Variants in CDH13 observed in about 807,000 individuals in gnomAD.
The protein encoded by CDH13 is cadherin-13.
A neutral mutation model predicts 63.8 loss-of-function variants in CDH13; 24 were observed. That is an observed-to-expected ratio of 0.38 (90% CI 0.27 to 0.53). The LOEUF (loss-of-function observed/expected upper bound fraction) is 0.53. CDH13 is among the 20% of genes least tolerant of loss of function. The pLI, the probability that CDH13 is intolerant of heterozygous loss-of-function variation, is 0.85. For synonymous variants in CDH13, 503 were observed against 355.3 expected, an observed-to-expected ratio of 1.42 and a Z score of -4.67; for missense variants, 1,049 against 903.1, an observed-to-expected ratio of 1.16 and a Z score of -2.07.
At chr16:82,631,215 T>C (rs1408750596) in intron 1 of CDH13, among the ~76,000 whole-genome samples, 3 of 152,250 alleles carry the variant, frequency 2.0e-5, no homozygotes, top group Admixed American at 2.0e-4. Context: ...CAGGGAAAAT[T>C]TCAAAGATGT....
chr16:83,555,457 T>A (rs990034930), intron 7 of CDH13, among the ~76,000 whole-genome samples: 16 of 152,322 alleles, frequency 1.1e-4, no homozygotes, highest in African/African-American at 3.6e-4. Context: ...TTAAAAGACA[T>A]CTTTTTATAT....
At chr16:83,718,074 C>A (rs973576011) in intron 10 of CDH13, among the ~76,000 whole-genome samples, 3 of 152,238 alleles carry the variant, frequency 2.0e-5, no homozygotes, top group Non-Finnish European at 4.4e-5. Context: ...GCCCCCGAAG[C>A]AGATGCTGAG....
At chr16:82,917,930 AAAGG>A (rs904553578) in intron 2 of CDH13, among the ~76,000 whole-genome samples, 1 of 144,212 alleles carries the variant, frequency 6.9e-6, no homozygotes, top group African/African-American at 2.5e-5. Flanking sequence ...AAAAAAAAAA[AAAGG>A]CATGTAAAGT....
intron 1 of CDH13, among the ~76,000 whole-genome samples, chr16:82,648,660 C>T (rs902140552): frequency 1.3e-5 from 2 of 152,168 alleles, no homozygotes; most frequent in South Asian, 2.1e-4. Flanking sequence ...TTTGTTCATG[C>T]GTTGGGATTC....
intron 1 of CDH13, among the ~76,000 whole-genome samples, chr16:82,752,415 C>G (rs1002917972): frequency 2.6e-5 from 4 of 152,168 alleles, no homozygotes; most frequent in African/African-American, 7.2e-5. Flanking sequence ...CCCCATGTGT[C>G]TAGAACAATC....
intron 3 of CDH13, among the ~76,000 whole-genome samples, chr16:83,050,027 A>G (rs1017640956): frequency 1.3e-5 from 2 of 152,212 alleles, no homozygotes; most frequent in African/African-American, 2.4e-5. Context: ...CAAGATTTAC[A>G]AATTACATAA....
At chr16:82,898,101 C>G (rs1436810161) in intron 2 of CDH13, among the ~76,000 whole-genome samples, 2 of 152,180 alleles carry the variant, frequency 1.3e-5, no homozygotes, top group Non-Finnish European at 2.9e-5. Context: ...TTTAAAATCT[C>G]ATGAATAGTT....
intron 2 of CDH13, among the ~76,000 whole-genome samples, chr16:82,912,523 G>C (rs1399022341): frequency 1.3e-5 from 2 of 152,212 alleles, no homozygotes; most frequent in Non-Finnish European, 2.9e-5. Flanking sequence ...AAGTAAATGA[G>C]TGATGACTAT....
chr16:83,463,467 C>T (rs1339222694), intron 6 of CDH13, among the ~76,000 whole-genome samples: 1 of 152,250 alleles, frequency 6.6e-6, no homozygotes, highest in East Asian at 1.9e-4. Flanking sequence ...AGGAAGATGG[C>T]ATACCACACT....
intron 6 of CDH13, among the ~76,000 whole-genome samples, chr16:83,440,287 T>G (rs1171280478): frequency 6.6e-6 from 1 of 152,200 alleles, no homozygotes; most frequent in Non-Finnish European, 1.5e-5. Flanking sequence ...CTCCTTTACA[T>G]GTAGGAAAAT....
At chr16:83,683,792 A>G (rs985922098) in intron 10 of CDH13, among the ~76,000 whole-genome samples, 4 of 152,190 alleles carry the variant, frequency 2.6e-5, no homozygotes, top group Non-Finnish European at 5.9e-5. Flanking sequence ...TTTGGCATAT[A>G]CAGAATTCTT....
chr16:83,158,892 C>T (rs932004917), intron 4 of CDH13, among the ~76,000 whole-genome samples: 5 of 152,210 alleles, frequency 3.3e-5, no homozygotes, highest in Admixed American at 2.0e-4. Context: ...TTCGCAGCAG[C>T]CTTCTTTCTT....
chr16:82,773,773 GTTT>G (rs2035366024), intron 1 of CDH13, among the ~76,000 whole-genome samples: 1 of 150,478 alleles, frequency 6.6e-6, no homozygotes, highest in South Asian at 2.1e-4. Context: ...TGTGAATATT[GTTT>G]TTCTTCTTCT....
intron 2 of CDH13, among the ~76,000 whole-genome samples, chr16:82,932,087 C>A (rs747645361): frequency 6.6e-6 from 1 of 152,100 alleles, no homozygotes; most frequent in Non-Finnish European, 1.5e-5. Flanking sequence ...TTGCTTAGGA[C>A]AGTTGTGGAT....
chr16:83,330,206 AACACAC>A (rs148041186), intron 5 of CDH13, among the ~76,000 whole-genome samples: 3 of 152,080 alleles, frequency 2.0e-5, no homozygotes, highest in Admixed American at 1.3e-4. Context: ...TACACATGTA[AACACAC>A]ACACACATGC....
intron 1 of CDH13, among the ~76,000 whole-genome samples, chr16:82,807,143 A>G (rs2037187200): frequency 6.6e-6 from 1 of 151,346 alleles, no homozygotes; most frequent in Non-Finnish European, 1.5e-5. Context: ...GACAACAGAC[A>G]TTGCCAGATT....
At chr16:82,904,430 C>T (rs1383786454) in intron 2 of CDH13, among the ~76,000 whole-genome samples, 1 of 152,208 alleles carries the variant, frequency 6.6e-6, no homozygotes, top group Non-Finnish European at 1.5e-5. Context: ...TTCTCCAAGA[C>T]ACCCTCGTTG....
chr16:83,014,840 T>TA (rs1567746057), intron 2 of CDH13, among the ~76,000 whole-genome samples: 3 of 22,740 alleles, frequency 1.3e-4, no homozygotes, highest in Non-Finnish European at 2.2e-4. Context: ...GTATATATAT[T>TA]TGTATATATA....
intron 5 of CDH13, among the ~76,000 whole-genome samples, chr16:83,247,010 C>T (rs751226644): frequency 6.6e-6 from 1 of 152,152 alleles, no homozygotes; most frequent in Non-Finnish European, 1.5e-5. Context: ...TGGCATGAAC[C>T]AGAAAGGATA....
Sources: gnomAD v4.1 joint callset for allele counts (sites outside exome capture counted in the v4.1 genomes callset) on GRCh38, gnomAD v4.1.1 for gene constraint, MANE v1.5 for transcripts, NCBI Gene and HGNC (gene_info 2026-07-23, HGNC 2026-07-21) for gene names.